Variants in C1QTNF7 observed in about 807,000 individuals in gnomAD.
C1QTNF7 encodes the protein complement C1q tumor necrosis factor-related protein 7.
In C1QTNF7, 15 loss-of-function variants were observed where a neutral mutation model predicts 19.6. The ratio of observed to expected loss-of-function variants is 0.76; its 90% CI spans 0.51 to 1.18. The LOEUF (loss-of-function observed/expected upper bound fraction) is 1.18, where lower values mean the gene tolerates loss of function less well. Ranked by LOEUF, C1QTNF7 falls within the 50% of genes most tolerant of loss-of-function variation. The pLI, the probability that C1QTNF7 is intolerant of heterozygous loss-of-function variation, is 0.00. For missense variants in C1QTNF7, 324 were observed against 359.7 expected, an observed-to-expected ratio of 0.90 and a Z score of 0.80; for synonymous variants, 142 against 137.5, an observed-to-expected ratio of 1.03 and a Z score of -0.23.
intron 1 of C1QTNF7, among the ~76,000 whole-genome samples, chr4:15,364,862 T>C (rs1717455719): frequency 6.6e-6 from 1 of 152,154 alleles, no homozygotes; most frequent in African/African-American, 2.4e-5. Context: ...TACGTTGGGT[T>C]TGAGGTATGG....
At chr4:15,438,449 C>T (rs1011682460) in intron 2 of C1QTNF7, among the ~76,000 whole-genome samples, 13 of 152,186 alleles carry the variant, frequency 8.5e-5, no homozygotes, top group Non-Finnish European at 1.8e-4. Flanking sequence ...TTCTCATTCA[C>T]GTACTCTTGG....
intron 1 of C1QTNF7, among the ~76,000 whole-genome samples, chr4:15,365,900 G>C (rs1413697004): frequency 6.6e-6 from 1 of 152,142 alleles, no homozygotes; most frequent in Non-Finnish European, 1.5e-5. Context: ...GCCTACCCTG[G>C]TGGACCTATC....
At chr4:15,375,929 G>A (rs1216476673) in intron 1 of C1QTNF7, among the ~76,000 whole-genome samples, 1 of 152,178 alleles carries the variant, frequency 6.6e-6, no homozygotes, top group African/African-American at 2.4e-5. Flanking sequence ...TTTCCAGTAT[G>A]TCAGTCATTG....
rs376881645 is a variant in C1QTNF7, at chr4:15,442,553, C to T, written c.624C>T (p.Ile208=). The part of the protein sequence containing the change: ...DITLANKHLA[I]GLVHNGQYRI... ...CATTGGCTAATAAGCATCTGGCAAT[C>T]GGACTGGTACACAATGGGCAATACC... The change falls in exon 3 of 3, where the codon ATC becomes ATT. Residue 208 remains isoleucine, a synonymous_variant. Transcript: ENST00000444304. 1.4e-5 allele frequency: 22 copies of T among 1,614,190 alleles called. No individual in the cohort carries two copies. In the African/African-American group the frequency reaches 1.7e-4, roughly 13 times the overall value.
chr4:15,410,646 A>C (rs1719371504), intron 1 of C1QTNF7, among the ~76,000 whole-genome samples: 1 of 152,154 alleles, frequency 6.6e-6, no homozygotes, highest in African/African-American at 2.4e-5. Context: ...TTGAATTCAT[A>C]ATTATTTCTT....
intron 1 of C1QTNF7, among the ~76,000 whole-genome samples, chr4:15,342,438 T>C (rs944898090): frequency 3.3e-5 from 5 of 152,322 alleles, no homozygotes; most frequent in Middle Eastern, 3.4e-3. Context: ...CTGTGCCAGA[T>C]ACTTTATCAA....
intron 1 of C1QTNF7, among the ~76,000 whole-genome samples, chr4:15,389,581 G>A (rs1718476441): frequency 6.6e-6 from 1 of 152,000 alleles, no homozygotes; most frequent in South Asian, 2.1e-4. Flanking sequence ...CACCACACCC[G>A]GCTAATTTTG....
intron 1 of C1QTNF7, among the ~76,000 whole-genome samples, chr4:15,422,549 G>T (rs921366095): frequency 1.3e-5 from 2 of 151,882 alleles, no homozygotes; most frequent in African/African-American, 4.8e-5. Flanking sequence ...TAGCTCAGTG[G>T]GTACATGGAA....
At chr4:15,355,667 A>C (rs10000232) in intron 1 of C1QTNF7, among the ~76,000 whole-genome samples, 70,744 of 151,748 alleles carry the variant, frequency 0.47, 17,592 homozygotes, top group African/African-American at 0.63. Flanking sequence ...ACAGGAGCCC[A>C]CCAATCAGAA....
intron 1 of C1QTNF7, among the ~76,000 whole-genome samples, chr4:15,352,786 C>T (rs537668158): frequency 1.3e-5 from 2 of 152,312 alleles, no homozygotes; most frequent in East Asian, 3.9e-4. Context: ...ACTCCTTCCT[C>T]CTTCCCTGGA....
chr4:15,373,668 T>C (rs1717815749), intron 1 of C1QTNF7, among the ~76,000 whole-genome samples: 1 of 152,228 alleles, frequency 6.6e-6, no homozygotes, highest in African/African-American at 2.4e-5. Flanking sequence ...TTTCTAGATC[T>C]AGTGTTCTTT....
chr4:15,365,496 G>A (rs1228972793), intron 1 of C1QTNF7, among the ~76,000 whole-genome samples: 2 of 152,148 alleles, frequency 1.3e-5, no homozygotes, highest in South Asian at 2.1e-4. Flanking sequence ...CCCGTCTCTC[G>A]GGACTGACTC....
intron 1 of C1QTNF7, chr4:15,419,796 T>C (rs1711662062): frequency 6.6e-6 from 1 of 151,998 alleles, no homozygotes; most frequent in Non-Finnish European, 1.5e-5. Context: ...GGAAATCACA[T>C]ACATATATGC....
upstream of C1QTNF7, among the ~76,000 whole-genome samples, chr4:15,424,422 A>C (rs1711943082): frequency 6.6e-6 from 1 of 152,068 alleles, no homozygotes; most frequent in Non-Finnish European, 1.5e-5. Context: ...TCTGCTATGC[A>C]CTCCAGGTAG....
intron 1 of C1QTNF7, among the ~76,000 whole-genome samples, chr4:15,394,095 C>G (rs1489314216): frequency 6.6e-6 from 1 of 152,160 alleles, no homozygotes; most frequent in Non-Finnish European, 1.5e-5. Flanking sequence ...AGAGAATGAG[C>G]CTGTGAAGGT....
intron 1 of C1QTNF7, among the ~76,000 whole-genome samples, chr4:15,391,022 A>T (rs1266411073): frequency 6.6e-6 from 1 of 152,180 alleles, no homozygotes; most frequent in East Asian, 1.9e-4. Flanking sequence ...AAAATGCCTC[A>T]AAGCAAGAAA....
intron 1 of C1QTNF7, among the ~76,000 whole-genome samples, chr4:15,376,156 G>A (rs1717929909): frequency 2.0e-5 from 3 of 152,190 alleles, no homozygotes; most frequent in African/African-American, 7.2e-5. Context: ...TCCCCTTCTT[G>A]TATAAACATG....
intron 1 of C1QTNF7, among the ~76,000 whole-genome samples, chr4:15,397,827 G>T (rs1450512010): frequency 6.6e-6 from 1 of 152,168 alleles, no homozygotes; most frequent in Non-Finnish European, 1.5e-5. Flanking sequence ...CCCACCCAGG[G>T]AGATTCATTA....
intron 1 of C1QTNF7, among the ~76,000 whole-genome samples, chr4:15,416,291 T>C (rs1378438026): frequency 1.3e-5 from 2 of 152,218 alleles, no homozygotes; most frequent in Non-Finnish European, 2.9e-5. Context: ...ATCCAGCACT[T>C]TCTACATGCC....
Sources: allele counts gnomAD v4.1 joint callset (sites outside exome capture counted in the v4.1 genomes callset), GRCh38; gene constraint gnomAD v4.1.1; transcripts MANE v1.5; gene names NCBI Gene and HGNC (gene_info 2026-07-23, HGNC 2026-07-21).